TRDN: variants seen among roughly 807,000 people sequenced by gnomAD.
TRDN encodes the protein triadin in skeletal muscle.
Under a neutral mutation model 149.7 loss-of-function variants are expected in TRDN, and 161 were observed. The ratio of observed to expected loss-of-function variants is 1.08; its 90% CI spans 0.95 to 1.23. The LOEUF (loss-of-function observed/expected upper bound fraction) is 1.23, where lower values mean the gene tolerates loss of function less well. Ranked by LOEUF, TRDN falls within the 50% of genes most tolerant of loss-of-function variation. The probability of loss-of-function intolerance (pLI) is 0.00; values close to 1 mark genes in which losing one functional copy is unlikely to be tolerated. For synonymous variants in TRDN, 294 were observed against 250.5 expected, an observed-to-expected ratio of 1.17 and a Z score of -1.64; for missense variants, 896 against 823.5, an observed-to-expected ratio of 1.09 and a Z score of -1.08.
intron 12 of TRDN, among the ~76,000 whole-genome samples, chr6:123,424,002 G>A (rs928345370): frequency 1.3e-5 from 2 of 152,142 alleles, no homozygotes; most frequent in Non-Finnish European, 2.9e-5. Context: ...AGCCTACATG[G>A]TTAGAGTTTA....
intron 12 of TRDN, among the ~76,000 whole-genome samples, chr6:123,426,817 T>G (rs529550850): frequency 6.6e-6 from 1 of 152,278 alleles, no homozygotes; most frequent in African/African-American, 2.4e-5. Flanking sequence ...ATACTGACAT[T>G]AATTATTTTT....
intron 21 of TRDN, among the ~76,000 whole-genome samples, chr6:123,343,155 T>A (rs961126372): frequency 6.6e-6 from 1 of 152,068 alleles, no homozygotes; most frequent in African/African-American, 2.4e-5. Flanking sequence ...TTAAATCCAA[T>A]GTTTACCTCA....
At chr6:123,465,308 G>C (rs1343640) in intron 9 of TRDN, among the ~76,000 whole-genome samples, 55 of 151,784 alleles carry the variant, frequency 3.6e-4, no homozygotes, top group African/African-American at 1.2e-3. Flanking sequence ...TACACACTAA[G>C]TTATGGAAAC....
At chr6:123,402,617 T>A (rs1487294506) in intron 12 of TRDN, among the ~76,000 whole-genome samples, 2 of 152,166 alleles carry the variant, frequency 1.3e-5, no homozygotes, top group Admixed American at 6.5e-5. Context: ...CTACTGCATT[T>A]TTGGGCAGGA....
chr6:123,478,002 T>A (rs2114760567), intron 9 of TRDN, among the ~76,000 whole-genome samples: 1 of 151,476 alleles, frequency 6.6e-6, no homozygotes, highest in Middle Eastern at 3.4e-3. Flanking sequence ...TGCACATGTA[T>A]ACGTATGTAA....
chr6:123,610,471 A>G (rs1245690902), intron 1 of TRDN, among the ~76,000 whole-genome samples: 1 of 152,164 alleles, frequency 6.6e-6, no homozygotes, highest in African/African-American at 2.4e-5. Flanking sequence ...CCTTCTATGT[A>G]CCAAGCACTC....
chr6:123,359,160 G>T (rs918182923), intron 20 of TRDN, among the ~76,000 whole-genome samples: 5 of 152,106 alleles, frequency 3.3e-5, no homozygotes, highest in African/African-American at 1.2e-4. Context: ...GGAAACAGAG[G>T]TTTCTCGTCA....
intron 9 of TRDN, among the ~76,000 whole-genome samples, chr6:123,483,070 TTATTA>T (rs1160361903): frequency 0.018 from 306 of 17,282 alleles, 1 homozygote; most frequent in African/African-American, 0.069. Context: ...TTCTCATTTA[TTATTA>T]TTATTATTAT....
intron 20 of TRDN, among the ~76,000 whole-genome samples, chr6:123,357,542 T>A (rs1022235888): frequency 2.6e-5 from 4 of 152,076 alleles, no homozygotes; most frequent in African/African-American, 7.2e-5. Context: ...CACTTTACAA[T>A]GTACGCTATA....
At chr6:123,236,685 G>C (rs1461748144) in intron 38 of TRDN, among the ~76,000 whole-genome samples, 5 of 152,020 alleles carry the variant, frequency 3.3e-5, no homozygotes, top group African/African-American at 1.2e-4. Flanking sequence ...AGTGCCATTG[G>C]TTAAAAAGTC....
In TRDN at chr6:123,255,140, A is replaced by G; in HGVS notation, c.1907-15T>C. 1.7e-6 allele frequency: 2 copies of G among 1,154,546 alleles called. No homozygotes were observed. 71.5% of individuals were successfully genotyped at this position (1,154,546 alleles called of 1,614,324 possible). A position where few individuals can be genotyped will look rare whatever the true frequency, so the allele number is the denominator to read the frequency against. ...TCTTGTTGAGACTGTTAATAAGGAAAATGTAAATTAAAATATAAATTTTTA... is the reference window on the plus strand; with the variant it reads ...TCTTGTTGAGACTGTTAATAAGGAAGATGTAAATTAAAATATAAATTTTTA... On this transcript the variant is annotated splice_polypyrimidine_tract_variant and intron_variant, in intron 36 of 40. Transcript: ENST00000334268.
At chr6:123,241,506 A>G (rs1361664645) in intron 38 of TRDN, among the ~76,000 whole-genome samples, 1 of 151,860 alleles carries the variant, frequency 6.6e-6, no homozygotes, top group Non-Finnish European at 1.5e-5. Context: ...TAATATTGAA[A>G]GAACTACCTT....
At chr6:123,270,929 C>G (rs757803044) in intron 30 of TRDN, among the ~76,000 whole-genome samples, 3 of 151,888 alleles carry the variant, frequency 2.0e-5, no homozygotes, top group Non-Finnish European at 4.4e-5. Flanking sequence ...TTATGCTACT[C>G]TAGCTATTAT....
intron 2 of TRDN, among the ~76,000 whole-genome samples, chr6:123,559,137 T>A (rs1215726775): frequency 6.6e-6 from 1 of 152,232 alleles, no homozygotes; most frequent in African/African-American, 2.4e-5. Flanking sequence ...AAAAGGCTCC[T>A]GGACCATCAC....
chr6:123,395,634 A>ACAC (rs1772693204), intron 12 of TRDN, among the ~76,000 whole-genome samples: 1 of 152,056 alleles, frequency 6.6e-6, no homozygotes, highest in Non-Finnish European at 1.5e-5. Flanking sequence ...GCCAAAGAAA[A>ACAC]CAGTCCACAA....
chr6:123,540,602 C>G (rs1211834468), intron 4 of TRDN, among the ~76,000 whole-genome samples: 1 of 152,216 alleles, frequency 6.6e-6, no homozygotes, highest in Non-Finnish European at 1.5e-5. Flanking sequence ...TCACCGCAGG[C>G]TCCGCCTCCT....
intron 1 of TRDN, among the ~76,000 whole-genome samples, chr6:123,621,296 C>G (rs991061553): frequency 1.3e-5 from 2 of 152,104 alleles, no homozygotes; most frequent in East Asian, 3.9e-4. Context: ...TCAATTTCTT[C>G]TAAAAAACAG....
chr6:123,480,088 G>A (rs1369119861), intron 9 of TRDN, among the ~76,000 whole-genome samples: 1 of 151,846 alleles, frequency 6.6e-6, no homozygotes, highest in South Asian at 2.1e-4. Flanking sequence ...GGTGTTGAAT[G>A]GTAGAAGTGG....
chr6:123,511,134 A>C (rs1779165367), intron 7 of TRDN, among the ~76,000 whole-genome samples: 1 of 152,072 alleles, frequency 6.6e-6, no homozygotes, highest in Non-Finnish European at 1.5e-5. Context: ...TAAGTCTTTA[A>C]TTCAGTTTGA....
Sources: gnomAD v4.1 joint callset for allele counts (sites outside exome capture counted in the v4.1 genomes callset) on GRCh38, gnomAD v4.1.1 for gene constraint, MANE v1.5 for transcripts, NCBI Gene and HGNC (gene_info 2026-07-23, HGNC 2026-07-21) for gene names.